The following RICTOR variants were observed in gnomAD, a reference collection of about 807,000 sequenced individuals.
RICTOR encodes the protein RPTOR independent companion of MTOR complex 2.
A neutral mutation model predicts 214.9 loss-of-function variants in RICTOR; 49 were observed. The observed-to-expected ratio is 0.23, with a 90% CI of 0.18 to 0.29. The LOEUF is 0.29. Among genes scored for constraint, RICTOR ranks in the 10% least tolerant of loss-of-function variants. The pLI is 1.00. For missense variants in RICTOR, 1,625 were observed against 2,047.0 expected (o/e 0.79, Z 3.98); for synonymous variants, 717 against 711.3 (o/e 1.01, Z -0.13).
chr5:38,965,131 A>T (rs1750112883), intron 15 of RICTOR, among the ~76,000 whole-genome samples: 1 of 151,976 alleles, frequency 6.6e-6, no homozygotes, highest in Non-Finnish European at 1.5e-5. Flanking sequence ...AGTTTCATAG[A>T]TTCTTTATTA....
intron 25 of RICTOR, among the ~76,000 whole-genome samples, chr5:38,956,854 C>T (rs960981032): frequency 2.0e-5 from 3 of 152,066 alleles, no homozygotes; most frequent in Non-Finnish European, 4.4e-5. Context: ...TACTAAAAGA[C>T]TTCATGCCTT....
chr5:39,065,841 G>C (rs1006714775), intron 2 of RICTOR, among the ~76,000 whole-genome samples: 2 of 152,162 alleles, frequency 1.3e-5, no homozygotes, highest in African/African-American at 4.8e-5. Context: ...CAAGGCTTTG[G>C]GCAACTCTGC....
chr5:38,990,557 GAT>G (rs1159542801), intron 7 of RICTOR, among the ~76,000 whole-genome samples: 95 of 102,216 alleles, frequency 9.3e-4, no homozygotes, highest in Middle Eastern at 6.9e-3. Flanking sequence ...CGATATACAC[GAT>G]ATATACACGA....
intron 2 of RICTOR, chr5:39,022,637 G>A (rs549957761): frequency 1.3e-5 from 2 of 152,630 alleles, no homozygotes; most frequent in South Asian, 4.1e-4. Context: ...GATGGAGGTG[G>A]GGTGCAGCCA....
Position 39,021,045 on chromosome 5 carries a change from A to G in RICTOR, c.189T>C (p.Phe63=). The part of the protein sequence containing the change: ...NMRKLGHLNN[F]TKLLCDIGHS... The stretch of plus-strand genomic sequence containing the variant: ...AAAAATTCAAGTTACTTACCTTAGT[A>G]AAGTTATTCAGATGGCCTAGCTTTC... Residue 63 remains phenylalanine (F), a synonymous_variant, in exon 3 of 38, where the codon TTT becomes TTC. Transcript: ENST00000357387. The G allele has an allele frequency of 6.6e-7, 1 of 1,506,828 alleles. No individual in the cohort carries two copies. The highest frequency in any genetic ancestry group is 9.2e-7 in the Non-Finnish European group (1 of 1,082,160). The allele number at this position is 1,506,828 out of a possible 1,614,324, so 93.3% of individuals were successfully genotyped here. A position where few individuals can be genotyped will look rare whatever the true frequency, so the allele number is the denominator to read the frequency against.
Position 38,949,834 on chromosome 5 carries a change from T to C in RICTOR, c.4014A>G (p.Gln1338=), listed in dbSNP as rs2112846477. 15 of 1,613,436 alleles carry C rather than the reference T, an allele frequency of 9.3e-6. No individual in the cohort carries two copies. Among genetic ancestry groups the C allele is most frequent in the Non-Finnish European group, 1.3e-5 (15 of 1,179,540 alleles). ...GAGATAAGGATGGATGCATTCTTTG[T>C]TGCTGTAGTCTTTTCAGTGTAGCAT... ...FGYATLKRLQ[Q]QRMHPSLSHS... is the part of the protein sequence containing the mutation. The change falls in exon 31 of 38, where the codon CAA becomes CAG. Residue 1338 remains glutamine (Q), a synonymous_variant. Coordinates refer to ENST00000357387, the MANE Select transcript of RICTOR (RefSeq NM_152756.5).
At position 39,060,492 on chromosome 5, in the gene RICTOR, T is replaced by C. The variant is rs541163679; in HGVS notation, c.97+13619A>G. Among the ~76,000 whole-genome samples, 3 of 152,028 alleles carry C rather than the reference T, an allele frequency of 2.0e-5. No homozygotes were observed. In the East Asian group the frequency reaches 5.8e-4, roughly 29 times the overall value. On this transcript the variant is annotated intron_variant, in intron 2 of 37. Transcript: ENST00000357387. The stretch of plus-strand genomic sequence containing the variant: ...AAAGAAACGTAGAAGCATACAGGAA[T>C]CAAAAGAGCGGTGAGGTATTACAGA...
In RICTOR at chr5:38,949,896, T is replaced by A. The variant is rs1191840373; in HGVS notation, c.3952A>T (p.Asn1318Tyr). 1.2e-6 allele frequency: 2 copies of A among 1,613,504 alleles called. No homozygotes were observed. Among genetic ancestry groups the A allele is most frequent in the Non-Finnish European group, 1.7e-6 (2 of 1,179,584 alleles). The stretch of plus-strand genomic sequence containing the variant: ...TCTCTAGAACTTGTGTAACTAAAGT[T>A]ACAATCTGCTAGACTTTTAATTGTA... Reference protein sequence around the residue: ...IATIKSLADCNFSYTSSRDAF... With the variant: ...IATIKSLADCYFSYTSSRDAF... The change falls in exon 31 of 38, where the codon AAC (asparagine) becomes TAC (tyrosine). Residue 1318 changes from asparagine to tyrosine, a missense_variant. Transcript: ENST00000357387.
At chr5:38,994,899 CT>C (rs1386984919) in intron 6 of RICTOR, among the ~76,000 whole-genome samples, 1 of 152,154 alleles carries the variant, frequency 6.6e-6, no homozygotes, top group East Asian at 1.9e-4. Flanking sequence ...CCAGGAAATT[CT>C]GAGGGTCCTT....
chr5:39,030,761 A>C (rs1186439153), intron 2 of RICTOR, among the ~76,000 whole-genome samples: 1 of 152,164 alleles, frequency 6.6e-6, no homozygotes, highest in Non-Finnish European at 1.5e-5. Flanking sequence ...ATATGTGAGT[A>C]AACATTTTTT....
intron 3 of RICTOR, among the ~76,000 whole-genome samples, chr5:39,020,584 A>T (rs1250510012): frequency 1.3e-5 from 2 of 152,334 alleles, no homozygotes; most frequent in East Asian, 3.9e-4. Context: ...GGACTACACT[A>T]TAGTATAAAC....
intron 31 of RICTOR, chr5:38,949,315 AT>A: frequency 7.8e-7 from 1 of 1,281,024 alleles, no homozygotes. Flanking sequence ...TTTTAAAAAA[AT>A]AATAAAGAGG....
At chr5:38,991,436 T>C (rs1396802742) in intron 6 of RICTOR, among the ~76,000 whole-genome samples, 1 of 152,092 alleles carries the variant, frequency 6.6e-6, no homozygotes, top group Non-Finnish European at 1.5e-5. Context: ...AATATACTAC[T>C]GTACTTTTAC....
At chr5:39,051,157 T>C (rs964994233) in intron 2 of RICTOR, among the ~76,000 whole-genome samples, 1 of 152,122 alleles carries the variant, frequency 6.6e-6, no homozygotes, top group Non-Finnish European at 1.5e-5. Context: ...GCAGGATTCA[T>C]ATACAAGACT....
chr5:38,946,505 A>G lies in RICTOR; in HGVS notation c.4362T>C (p.Asp1454=), dbSNP rs779877246. ...YFQTKNIPPH[D]DRGARAFAHD... is the part of the protein sequence containing the mutation. ...GGGCAAATGCTCTTGCACCTCGATC[A>G]TCATGTGGTGGTATGTTTTTTGTCT... Residue 1454 remains aspartate (D), a synonymous_variant, in exon 33 of 38, where the codon GAT becomes GAC. Coordinates refer to ENST00000357387, the MANE Select transcript of RICTOR (RefSeq NM_152756.5). The G allele has an allele frequency of 1.2e-6, 2 of 1,612,192 alleles. No homozygotes were observed. The highest frequency in any genetic ancestry group is 1.7e-6 in the Non-Finnish European group (2 of 1,178,348).
chr5:38,991,223 A>C (rs369349779), intron 6 of RICTOR, 148 bp from the exon 7 acceptor site: 2 of 464,322 alleles, frequency 4.3e-6, no homozygotes, highest in East Asian at 7.1e-5. Context: ...GATATTTCAA[A>C]AGATTAATAT....
chr5:39,021,150 C>T lies in RICTOR; in HGVS notation c.98-14G>A. On this transcript the variant is annotated splice_polypyrimidine_tract_variant and intron_variant, in intron 2 of 37. Coordinates refer to ENST00000357387, the MANE Select transcript of RICTOR (RefSeq NM_152756.5). Reference sequence around the variant, plus strand: ...TATCAGAAGGTTCTAGAAGGAAAGACAAGACAATTTAACACAATTTTATGA... The same window carrying T: ...TATCAGAAGGTTCTAGAAGGAAAGATAAGACAATTTAACACAATTTTATGA... 1 of 1,376,046 alleles carries T rather than the reference C, an allele frequency of 7.3e-7. No homozygotes were observed. The highest frequency in any genetic ancestry group is 1.0e-6 in the Non-Finnish European group (1 of 962,878). The allele number at this position is 1,376,046 out of a possible 1,614,324, so 85.2% of individuals were successfully genotyped here.
chr5:39,052,343 T>G (rs968442325), intron 2 of RICTOR, among the ~76,000 whole-genome samples: 2 of 152,164 alleles, frequency 1.3e-5, no homozygotes, highest in African/African-American at 4.8e-5. Flanking sequence ...GCCACTGCAA[T>G]CCAGCCTGGG....
chr5:38,967,834 A>G (rs1750363866), intron 12 of RICTOR, 109 bp downstream of exon 12: 1 of 583,682 alleles, frequency 1.7e-6, no homozygotes, highest in South Asian at 2.7e-5. Flanking sequence ...ATTATGCAGC[A>G]AGAAAAGAAA....
Sources: allele counts gnomAD v4.1 joint callset (sites outside exome capture counted in the v4.1 genomes callset), GRCh38; gene constraint gnomAD v4.1.1; transcripts MANE v1.5; gene names NCBI Gene and HGNC (gene_info 2026-07-23, HGNC 2026-07-21).